XKR4: variants seen among roughly 807,000 people sequenced by gnomAD.
The protein encoded by XKR4 is XK related 4, also known as XK-related protein 4.
A neutral mutation model predicts 53.9 loss-of-function variants in XKR4; 12 were observed. The ratio of observed to expected loss-of-function variants is 0.22; its 90% CI spans 0.14 to 0.36. The LOEUF (loss-of-function observed/expected upper bound fraction) is 0.36. Ranked by LOEUF, XKR4 falls within the 10% of genes least tolerant of loss-of-function variation. The probability of loss-of-function intolerance (pLI) is 1.00; values close to 1 mark genes in which losing one functional copy is unlikely to be tolerated. For missense variants in XKR4, 799 were observed against 859.5 expected, an observed-to-expected ratio of 0.93 and a Z score of 0.88; for synonymous variants, 354 against 362.4, an observed-to-expected ratio of 0.98 and a Z score of 0.26.
In XKR4 at chr8:55,533,252, C is replaced by T. The variant is rs1280534033; in HGVS notation, c.*9025C>T. ...ATTCACTTAGCAATTAACCTTTGAC[C>T]TGTGGTTTTCTGCTGAGCCCCTTGT... is the stretch of plus-strand genomic sequence containing the variant. On this transcript the variant is annotated 3_prime_UTR_variant, in exon 3 of 3. Coordinates refer to ENST00000327381, the MANE Select transcript of XKR4 (RefSeq NM_052898.2). 2 of 152,138 alleles carry T rather than the reference C, an allele frequency of 1.3e-5. No individual in the cohort carries two copies. The highest frequency in any genetic ancestry group is 2.9e-5 in the Non-Finnish European group (2 of 68,032). 9.4% of individuals were successfully genotyped at this position (152,138 alleles called of 1,614,324 possible). A position where few individuals can be genotyped will look rare whatever the true frequency, so the allele number is the denominator to read the frequency against.
At chr8:55,410,907 G>T (rs58428566) in intron 2 of XKR4, among the ~76,000 whole-genome samples, 4,064 of 152,146 alleles carry the variant, frequency 0.027, 164 homozygotes, top group African/African-American at 0.092. Flanking sequence ...CTGTGGGCAT[G>T]CTGCTCCCCA....
intron 2 of XKR4, among the ~76,000 whole-genome samples, chr8:55,464,405 C>G (rs957678245): frequency 2.0e-5 from 3 of 152,046 alleles, no homozygotes; most frequent in Non-Finnish European, 4.4e-5. Flanking sequence ...ATGCAGAAAA[C>G]GCCTTTCACA....
rs67608017 is a variant in XKR4 at position 55,253,731 on chromosome 8, C to CTTTTTTTTT, written c.807-103935_807-103927dup. 2.6e-5 allele frequency among the ~76,000 whole-genome samples: 3 copies of CTTTTTTTTT among 113,748 alleles called. 1 individual carries two copies. The highest frequency in any genetic ancestry group is 8.8e-5 in the Admixed American group (1 of 11,346). The allele number at this position is 113,748 out of a possible 152,430, so 74.6% of individuals were successfully genotyped here. On this transcript the variant is annotated intron_variant, in intron 1 of 2. Coordinates refer to ENST00000327381, the MANE Select transcript of XKR4 (RefSeq NM_052898.2). The stretch of plus-strand genomic sequence containing the variant: ...CACAGATTATTTCATATTTTCTTTT[C>CTTTTTTTTT]TTTTTTTTTTTTTTTTTTTTGAGAC...
intron 2 of XKR4, among the ~76,000 whole-genome samples, chr8:55,376,364 A>G (rs1391965386): frequency 6.6e-6 from 1 of 152,082 alleles, no homozygotes; most frequent in African/African-American, 2.4e-5. Flanking sequence ...AAGCATTCCT[A>G]TTTCTCTGCA....
intron 1 of XKR4, among the ~76,000 whole-genome samples, chr8:55,267,533 C>T (rs1585977173): frequency 6.6e-6 from 1 of 152,116 alleles, no homozygotes; most frequent in African/African-American, 2.4e-5. Context: ...AGCAAAGGGA[C>T]TTATTAATAG....
At chr8:55,253,431 A>G (rs1818388250) in intron 1 of XKR4, among the ~76,000 whole-genome samples, 1 of 152,138 alleles carries the variant, frequency 6.6e-6, no homozygotes, top group Non-Finnish European at 1.5e-5. Flanking sequence ...TACTGGGTTT[A>G]TTTTTATAGC....
intron 1 of XKR4, among the ~76,000 whole-genome samples, chr8:55,138,702 C>T (rs1389997883): frequency 2.0e-5 from 3 of 152,180 alleles, no homozygotes; most frequent in African/African-American, 7.2e-5. Flanking sequence ...TGTTGAGGGT[C>T]TACCATGCAC....
Position 55,459,383 on chromosome 8 carries a change from G to A in XKR4, c.1007-63898G>A, listed in dbSNP as rs544902247. Among the ~76,000 whole-genome samples, 8 of 152,164 alleles carry A rather than the reference G, an allele frequency of 5.3e-5. No homozygotes were observed. The South Asian group carries it at 1.7e-3, about 32-fold the overall frequency. ...CCTTAATTTAGGCAAAATTTTACTTGATTGGATACCAAAAGTGTGACTCAT... is the reference window on the plus strand; with the variant it reads ...CCTTAATTTAGGCAAAATTTTACTTAATTGGATACCAAAAGTGTGACTCAT... On this transcript the variant is annotated intron_variant, in intron 2 of 2. Coordinates refer to ENST00000327381, the MANE Select transcript of XKR4 (RefSeq NM_052898.2).
intron 1 of XKR4, among the ~76,000 whole-genome samples, chr8:55,120,558 A>C (rs1816377011): frequency 6.6e-6 from 1 of 151,790 alleles, no homozygotes. Context: ...TTATTTCAGT[A>C]TATCTTCATT....
At chr8:55,140,372 C>CTG (rs1348846856) in intron 1 of XKR4, among the ~76,000 whole-genome samples, 1 of 152,132 alleles carries the variant, frequency 6.6e-6, no homozygotes, top group African/African-American at 2.4e-5. Context: ...CTTTTGTCTC[C>CTG]TGATGCCACA....
chr8:55,233,206 A>G (rs930236957), intron 1 of XKR4, among the ~76,000 whole-genome samples: 1 of 152,250 alleles, frequency 6.6e-6, no homozygotes, highest in Non-Finnish European at 1.5e-5. Flanking sequence ...GCCTGGCTTC[A>G]GAAAGGGAGG....
At chr8:55,450,210 G>A (rs1036469373) in intron 2 of XKR4, 3 of 646,754 alleles carry the variant, frequency 4.6e-6, no homozygotes. Flanking sequence ...ACACCACACA[G>A]CACCTGCTCT....
intron 2 of XKR4, among the ~76,000 whole-genome samples, chr8:55,509,563 G>A (rs537366797): frequency 6.6e-6 from 1 of 152,196 alleles, no homozygotes; most frequent in Non-Finnish European, 1.5e-5. Context: ...CTGTTCCTAG[G>A]AGTGTGTATG....
rs139705083 is a variant in XKR4, at chr8:55,218,176, C to T, written c.806+114882C>T. Among the ~76,000 whole-genome samples the T allele has an allele frequency of 3.4e-3, 517 of 152,242 alleles. 1 individual carries two copies. The highest frequency in any genetic ancestry group is 0.01 in the Middle Eastern group (3 of 292). ...AAGATACAAAAACTAAAGCCAAAAACGAATAATTATCTGCACAATGTCTTA... is the reference window on the plus strand; with the variant it reads ...AAGATACAAAAACTAAAGCCAAAAATGAATAATTATCTGCACAATGTCTTA... On this transcript the variant is annotated intron_variant, in intron 1 of 2. Transcript: ENST00000327381.
chr8:55,129,003 C>A (rs753603034), intron 1 of XKR4, among the ~76,000 whole-genome samples: 3 of 152,186 alleles, frequency 2.0e-5, no homozygotes, highest in African/African-American at 2.4e-5. Flanking sequence ...ATCAGCACAA[C>A]CACAGGAGAC....
intron 2 of XKR4, among the ~76,000 whole-genome samples, chr8:55,372,993 C>A (rs1452981320): frequency 1.3e-5 from 2 of 152,152 alleles, no homozygotes; most frequent in Non-Finnish European, 2.9e-5. Flanking sequence ...CATGGAGATT[C>A]ACTCTTCAAA....
intron 2 of XKR4, among the ~76,000 whole-genome samples, chr8:55,435,563 T>A (rs993439622): frequency 3.5e-5 from 5 of 144,816 alleles, no homozygotes; most frequent in African/African-American, 5.0e-5. Flanking sequence ...TTTTTTTTTT[T>A]ATTTTTTTAT....
At chr8:55,203,505 G>T (rs1173305108) in intron 1 of XKR4, among the ~76,000 whole-genome samples, 1 of 152,192 alleles carries the variant, frequency 6.6e-6, no homozygotes, top group Admixed American at 6.5e-5. Context: ...CAGACCTATT[G>T]AATGAGGATG....
At chr8:55,451,307 C>T in intron 2 of XKR4, 1 of 598,778 alleles carries the variant, frequency 1.7e-6, no homozygotes, top group Non-Finnish European at 3.0e-6. Flanking sequence ...CTGGATGCCG[C>T]CGCCATGGGG....
Sources: gnomAD v4.1 joint callset for allele counts (sites outside exome capture counted in the v4.1 genomes callset) on GRCh38, gnomAD v4.1.1 for gene constraint, MANE v1.5 for transcripts, NCBI Gene and HGNC (gene_info 2026-07-23, HGNC 2026-07-21) for gene names.